Variants in EPHA10 observed in about 807,000 individuals in gnomAD.
EPHA10 encodes the protein EPH receptor A10, also known as ephrin type-A receptor 10.
In EPHA10, 120 loss-of-function variants were observed where a neutral mutation model predicts 109.7. That is an observed-to-expected ratio of 1.09 (90% CI 0.94 to 1.27). The LOEUF (loss-of-function observed/expected upper bound fraction) is 1.27. EPHA10 is among the 50% of genes most tolerant of loss of function. The pLI is 0.00. For missense variants in EPHA10, 1,396 were observed against 1,411.1 expected, an observed-to-expected ratio of 0.99 and a Z score of 0.17; for synonymous variants, 640 against 618.9, an observed-to-expected ratio of 1.03 and a Z score of -0.51.
At chr1:37,752,854 T>G in intron 5 of EPHA10, 22 bp downstream of exon 5, 7 of 1,237,152 alleles carry the variant, frequency 5.7e-6, no homozygotes, top group Admixed American at 4.4e-5. Context: ...GGCCTCGGGG[T>G]GGGGGGCGCG....
At position 37,753,170 on chromosome 1, in the gene EPHA10, G is replaced by A. The variant is rs1392981281; in HGVS notation, c.1063C>T (p.Leu355=). The change falls in exon 5 of 17, where the codon CTG becomes TTG. Residue 355 remains leucine (L), a synonymous_variant. Coordinates refer to ENST00000373048, the MANE Select transcript of EPHA10 (RefSeq NM_001099439.2). ...QYSLSRSPLV[L]RLRWLPPADS... ...GCCGGCGGCAGCCAGCGCAGTCGCA[G>A]CACCAGCGGCGAGCGGCTCAGGCTG... 5 of 1,405,064 alleles carry A rather than the reference G, an allele frequency of 3.6e-6. No individual in the cohort carries two copies. Among genetic ancestry groups the A allele is most frequent in the South Asian group, 3.0e-5 (2 of 66,696 alleles). 87.0% of individuals were successfully genotyped at this position (1,405,064 alleles called of 1,614,324 possible).
rs748741796 is a variant in EPHA10, at chr1:37,720,353, T to C, written c.2410A>G (p.Met804Val). ...RDRSEAVYTT[M>V]SGRSPALWAA... ...GGCTTGGCTGGGGGCGCCCTCACCA[T>C]AGTGGTGTAGACAGCCTCTGATCGG... The change falls in exon 13 of 17, where the codon ATG (methionine) becomes GTG (valine). Residue 804 changes from methionine (M) to valine (V), a missense_variant and splice_region_variant. Transcript: ENST00000373048. The C allele has an allele frequency of 1.2e-6, 2 of 1,603,698 alleles. No individual in the cohort carries two copies. The highest frequency in any genetic ancestry group is 1.1e-5 in the South Asian group (1 of 89,900).
chr1:37,752,907 G>A lies in EPHA10; in HGVS notation c.1326C>T (p.Tyr442=). The A allele has an allele frequency of 7.6e-7, 1 of 1,314,392 alleles. No homozygotes were observed. Among genetic ancestry groups the A allele is most frequent in the South Asian group, 2.1e-5 (1 of 47,142 alleles). The allele number at this position is 1,314,392 out of a possible 1,614,324, so 81.4% of individuals were successfully genotyped here. ...SGPAAAAGTT[Y]AQVTVSTGPG... is the part of the protein sequence containing the mutation. ...GCCCGGTGGAGACGGTGACCTGCGC[G>A]TAGGTGGTTCCCGCGGCGGCCGCCG... Residue 442 remains tyrosine, a synonymous_variant, in exon 5 of 17, where the codon TAC becomes TAT. Coordinates refer to ENST00000373048, the MANE Select transcript of EPHA10 (RefSeq NM_001099439.2).
chr1:37,748,918 C>CTTTTTTTTTTTT (rs55656984), intron 5 of EPHA10, among the ~76,000 whole-genome samples: 2 of 95,306 alleles, frequency 2.1e-5, no homozygotes, highest in Non-Finnish European at 3.9e-5. Context: ...TTCTTTTCAT[C>CTTTTTTTTTTTT]TTTTTTTTTT....
At chr1:37,742,201 G>A (rs921778489) in intron 5 of EPHA10, among the ~76,000 whole-genome samples, 1 of 152,190 alleles carries the variant, frequency 6.6e-6, no homozygotes, top group Non-Finnish European at 1.5e-5. Context: ...CACCCAAGTG[G>A]GGCCAAAGTT....
chr1:37,735,184 T>A, intron 6 of EPHA10, 73 bp downstream of exon 6: 3 of 1,536,404 alleles, frequency 2.0e-6, no homozygotes, highest in Non-Finnish European at 2.6e-6. Context: ...GCTGGGAGGA[T>A]GGCCTGAAGA....
In EPHA10 at chr1:37,761,738, G is replaced by C; in HGVS notation, c.517C>G (p.Leu173Val). ...QGDLGERKMK[L>V]NTEVREIGPL... ...CCGATCTCGCGCACCTCTGTGTTCA[G>C]CTTCATCTTGCGCTCACCCAGGTCG... is the stretch of plus-strand genomic sequence containing the variant. Residue 173 changes from leucine to valine, a missense_variant, in exon 3 of 17, where the codon CTG becomes GTG. Physicochemically the swap from Leu to Val is conservative, Grantham distance 32. Transcript: ENST00000373048. 1 of 1,613,814 alleles carries C rather than the reference G, an allele frequency of 6.2e-7. No homozygotes were observed. Among genetic ancestry groups the C allele is most frequent in the African/African-American group, 1.3e-5 (1 of 75,056 alleles).
intron 5 of EPHA10, among the ~76,000 whole-genome samples, chr1:37,750,854 A>C (rs2148360475): frequency 1.3e-5 from 2 of 151,990 alleles, no homozygotes; most frequent in East Asian, 3.9e-4. Flanking sequence ...CCTGAAGAAA[A>C]CTTTTCCCGG....
chr1:37,739,822 G>A (rs747581492), intron 5 of EPHA10, among the ~76,000 whole-genome samples: 3 of 152,002 alleles, frequency 2.0e-5, no homozygotes, highest in Non-Finnish European at 2.9e-5. Context: ...CCCAGGTATT[G>A]GAGTTCATGC....
At chr1:37,737,098 T>G (rs528946095) in intron 5 of EPHA10, among the ~76,000 whole-genome samples, 2 of 152,242 alleles carry the variant, frequency 1.3e-5, no homozygotes, top group South Asian at 4.1e-4. Context: ...AAAAACATCC[T>G]AAAATTCATA....
chr1:37,714,874 T>G (rs185670942), downstream of EPHA10: 1 of 152,380 alleles, frequency 6.6e-6, no homozygotes, highest in South Asian at 2.1e-4. Flanking sequence ...CCTCCAGAGC[T>G]GTGGGACAGT....
At chr1:37,733,146 G>A (rs112450191) in intron 6 of EPHA10, among the ~76,000 whole-genome samples, 14,903 of 151,524 alleles carry the variant, frequency 0.098, 780 homozygotes, top group Admixed American at 0.12. Flanking sequence ...ACCTGCCTTG[G>A]CCTCTCGAAG....
chr1:37,733,220 G>A lies in EPHA10; in HGVS notation c.1492-1638C>T, dbSNP rs761795020. ...GTTCCTTCTTTTTTGTTGTTTTTGG[G>A]GGTTTTGGTGGGTTTTTTTGAGACA... On this transcript the variant is annotated intron_variant, in intron 6 of 16. Coordinates refer to ENST00000373048, the MANE Select transcript of EPHA10 (RefSeq NM_001099439.2). Among the ~76,000 whole-genome samples, 26 of 151,650 alleles carry A rather than the reference G, an allele frequency of 1.7e-4. No homozygotes were observed. In the East Asian group the frequency reaches 2.1e-3, roughly 13 times the overall value.
In EPHA10 at chr1:37,720,394, C is replaced by G. The variant is rs755834093; in HGVS notation, c.2369G>C (p.Gly790Ala). ...CTCTGATCGGTCCCGGGGGCCCCGC[C>G]CGAAGCCAGAGATCTTGCAGACAAG... ...SDLVCKISGFGRGPRDRSEAV... is the reference protein window; with the variant it reads ...SDLVCKISGFARGPRDRSEAV... The change falls in exon 13 of 17, where the codon GGG becomes GCG. Residue 790 changes from glycine (G) to alanine (A), a missense_variant. Coordinates refer to ENST00000373048, the MANE Select transcript of EPHA10 (RefSeq NM_001099439.2). The G allele has an allele frequency of 6.2e-7, 1 of 1,613,042 alleles. No homozygotes were observed. Among genetic ancestry groups the G allele is most frequent in the Non-Finnish European group, 8.5e-7 (1 of 1,179,934 alleles).
intron 5 of EPHA10, among the ~76,000 whole-genome samples, chr1:37,741,537 A>G (rs1261206201): frequency 1.3e-5 from 2 of 152,022 alleles, no homozygotes; most frequent in African/African-American, 2.4e-5. Context: ...AGAGTTGAAA[A>G]CCTACACCAT....
At chr1:37,752,815 C>T (rs1646348627) in intron 5 of EPHA10, 61 bp downstream of exon 5, 1 of 1,171,722 alleles carries the variant, frequency 8.5e-7, no homozygotes. Flanking sequence ...GGGGCGGCCC[C>T]AAGAGGGCGC....
chr1:37,750,487 A>T lies in EPHA10; in HGVS notation c.1357+2389T>A, dbSNP rs55741620. Among the ~76,000 whole-genome samples, 848 of 152,236 alleles carry T rather than the reference A, an allele frequency of 5.6e-3. 2 individuals carry two copies. Among genetic ancestry groups the T allele is most frequent in the Non-Finnish European group, 9.5e-3 (645 of 68,030 alleles). On this transcript the variant is annotated intron_variant, in intron 5 of 16. Coordinates refer to ENST00000373048, the MANE Select transcript of EPHA10 (RefSeq NM_001099439.2). ...AGGGAAGTGACAAGATTTGAGAATC[A>T]GAAAATGAATGTAAAACCTAAGGCT... is the stretch of plus-strand genomic sequence containing the variant.
intron 10 of EPHA10, chr1:37,722,303 GA>G: frequency 4.0e-6 from 1 of 248,798 alleles, no homozygotes; most frequent in South Asian, 4.3e-5. Context: ...AAGCCTTAAA[GA>G]AAGGACAGGG....
chr1:37,739,342 C>T (rs1211705403), intron 5 of EPHA10, among the ~76,000 whole-genome samples: 1 of 152,120 alleles, frequency 6.6e-6, no homozygotes, highest in Non-Finnish European at 1.5e-5. Context: ...TGTGAGGTAT[C>T]TAAAGTAGTC....
Sources: gnomAD v4.1 joint callset for allele counts (sites outside exome capture counted in the v4.1 genomes callset) on GRCh38, gnomAD v4.1.1 for gene constraint, MANE v1.5 for transcripts, NCBI Gene and HGNC (gene_info 2026-07-23, HGNC 2026-07-21) for gene names.